Variants in TYW1 observed in about 807,000 individuals in gnomAD.
The protein encoded by TYW1 is S-adenosyl-L-methionine-dependent tRNA 4-demethylwyosine synthase TYW1.
In TYW1, 46 loss-of-function variants were observed where a neutral mutation model predicts 96.2. The observed-to-expected ratio is 0.48, with a 90% confidence interval of 0.38 to 0.61. The LOEUF is 0.61. TYW1 is among the 20% of genes least tolerant of loss of function. The probability of loss-of-function intolerance (pLI) is 0.00; values close to 1 mark genes in which losing one functional copy is unlikely to be tolerated. For missense variants in TYW1, 684 were observed against 909.6 expected, an observed-to-expected ratio of 0.75 and a Z score of 3.19; for synonymous variants, 274 against 323.0, an observed-to-expected ratio of 0.85 and a Z score of 1.63.
At position 67,146,055 on chromosome 7, in the gene TYW1, C is replaced by T. The variant is rs570422755; in HGVS notation, c.1698+28437C>T. Among the ~76,000 whole-genome samples, 16 of 152,220 alleles carry T rather than the reference C, an allele frequency of 1.1e-4. No homozygotes were observed. In the South Asian group the frequency reaches 2.1e-3, roughly 20 times the overall value. On this transcript the variant is annotated intron_variant, in intron 13 of 15. Transcript: ENST00000359626. Reference sequence around the variant, plus strand: ...TACTGGGATTATAGGTGTGAGCCACCGTGCCTGGCCTTTGTTCTTTTTTTA... The same window carrying T: ...TACTGGGATTATAGGTGTGAGCCACTGTGCCTGGCCTTTGTTCTTTTTTTA...
chr7:67,216,780 T>A (rs1279523148), intron 15 of TYW1, among the ~76,000 whole-genome samples: 3 of 150,862 alleles, frequency 2.0e-5, no homozygotes, highest in Non-Finnish European at 4.4e-5. Context: ...AGAACTTTTC[T>A]TGTCATTGAG....
At chr7:67,025,476 G>T (rs1794420280) in intron 7 of TYW1, among the ~76,000 whole-genome samples, 1 of 152,116 alleles carries the variant, frequency 6.6e-6, no homozygotes, top group Non-Finnish European at 1.5e-5. Context: ...TGGTTAGAGA[G>T]ATTTTATTCA....
At chr7:67,115,130 G>A (rs993212515) in intron 12 of TYW1, among the ~76,000 whole-genome samples, 3 of 151,944 alleles carry the variant, frequency 2.0e-5, no homozygotes, top group African/African-American at 7.3e-5. Context: ...AAGTAGTTAT[G>A]GAAGCATACT....
At chr7:67,058,424 G>A (rs867806745) in intron 9 of TYW1, among the ~76,000 whole-genome samples, 12 of 152,162 alleles carry the variant, frequency 7.9e-5, no homozygotes, top group African/African-American at 2.7e-4. Flanking sequence ...CCGAGGGGGC[G>A]GACAGAGTTG....
intron 15 of TYW1, among the ~76,000 whole-genome samples, chr7:67,232,346 C>T (rs1431929289): frequency 6.6e-6 from 1 of 151,850 alleles, no homozygotes; most frequent in Admixed American, 6.6e-5. Flanking sequence ...TAAAGACCAG[C>T]CTGGCCAACA....
intron 13 of TYW1, among the ~76,000 whole-genome samples, chr7:67,167,069 CTA>C (rs1454468612): frequency 2.0e-5 from 3 of 152,192 alleles, no homozygotes; most frequent in Admixed American, 6.5e-5. Context: ...CCTTTCTGCT[CTA>C]TGTCTTCTCT....
intron 10 of TYW1, among the ~76,000 whole-genome samples, chr7:67,080,297 C>T (rs1345828734): frequency 6.6e-6 from 1 of 152,056 alleles, no homozygotes; most frequent in African/African-American, 2.4e-5. Context: ...CCTCTTGCTG[C>T]AGTGATTCCT....
chr7:67,035,346 G>A (rs1794803111), intron 7 of TYW1, among the ~76,000 whole-genome samples: 1 of 151,892 alleles, frequency 6.6e-6, no homozygotes, highest in South Asian at 2.1e-4. Context: ...CAAACTCCTG[G>A]CCTCAAATGA....
intron 6 of TYW1, among the ~76,000 whole-genome samples, chr7:67,020,901 A>G (rs1440722117): frequency 6.6e-6 from 1 of 152,264 alleles, no homozygotes; most frequent in Non-Finnish European, 1.5e-5. Context: ...GCTGGCAGGC[A>G]CCTGTAATCC....
At position 67,183,115 on chromosome 7, in the gene TYW1, C is replaced by T; in HGVS notation, c.1699-11C>T. 6.3e-7 allele frequency: 1 copy of T among 1,597,194 alleles called. No homozygotes were observed. ...AAGATAACAACGAACTTGGCTTTTC[C>T]TTTGTTTTAGCAACAACGAACTGTC... On this transcript the variant is annotated splice_polypyrimidine_tract_variant and intron_variant, in intron 13 of 15. Transcript: ENST00000359626.
At chr7:67,208,844 C>A (rs1299951965) in intron 15 of TYW1, among the ~76,000 whole-genome samples, 6 of 152,082 alleles carry the variant, frequency 3.9e-5, no homozygotes, top group Non-Finnish European at 8.8e-5. Flanking sequence ...ATCTGTATCA[C>A]CCTATTCATA....
chr7:67,087,167 A>G (rs1431495080), intron 11 of TYW1, among the ~76,000 whole-genome samples: 2 of 152,212 alleles, frequency 1.3e-5, no homozygotes, highest in African/African-American at 2.4e-5. Flanking sequence ...GGAAATATGT[A>G]ATGAATAAAC....
chr7:67,037,492 G>A (rs1365698997), intron 7 of TYW1, among the ~76,000 whole-genome samples: 5 of 122,904 alleles, frequency 4.1e-5, no homozygotes, highest in Admixed American at 9.8e-5. Flanking sequence ...CAACAAGAGC[G>A]AAACTCCGTC....
intron 12 of TYW1, among the ~76,000 whole-genome samples, chr7:67,109,273 C>CAAAAAAAAA (rs1203625487): frequency 6.1e-5 from 3 of 49,088 alleles, no homozygotes; most frequent in East Asian, 4.8e-4. Context: ...GACTCCGTCT[C>CAAAAAAAAA]AAAAAAAAAA....
intron 15 of TYW1, among the ~76,000 whole-genome samples, chr7:67,217,846 C>CTTTTTT (rs57748332): frequency 8.7e-5 from 6 of 69,258 alleles, no homozygotes; most frequent in Non-Finnish European, 1.4e-4. Flanking sequence ...GTGTTGATGT[C>CTTTTTT]TTTTTTTTTT....
At chr7:67,023,816 C>T (rs1207583638) in intron 6 of TYW1, among the ~76,000 whole-genome samples, 3 of 152,082 alleles carry the variant, frequency 2.0e-5, no homozygotes, top group Non-Finnish European at 2.9e-5. Context: ...ATCTCTCTAA[C>T]GTTTTATTCT....
intron 5 of TYW1, 54 bp downstream of exon 5, chr7:67,014,615 GCA>G: frequency 6.5e-6 from 10 of 1,550,354 alleles, no homozygotes; most frequent in Middle Eastern, 1.7e-4. Flanking sequence ...ACACACACAC[GCA>G]CACACACGTA....
intron 4 of TYW1, among the ~76,000 whole-genome samples, chr7:67,011,827 C>T (rs1207194161): frequency 7.3e-5 from 11 of 149,862 alleles, no homozygotes; most frequent in Non-Finnish European, 1.3e-4. Flanking sequence ...GAGCCAAGAT[C>T]GTGCCATTGC....
intron 13 of TYW1, among the ~76,000 whole-genome samples, chr7:67,167,955 A>G (rs1334775714): frequency 6.6e-6 from 1 of 151,926 alleles, no homozygotes; most frequent in African/African-American, 2.4e-5. Flanking sequence ...GGCTTTCACC[A>G]TCTTGGCCAG....
Sources: allele counts gnomAD v4.1 joint callset (sites outside exome capture counted in the v4.1 genomes callset), GRCh38; gene constraint gnomAD v4.1.1; transcripts MANE v1.5; gene names NCBI Gene and HGNC (gene_info 2026-07-23, HGNC 2026-07-21).